The following NOS1 variants were observed in gnomAD, a reference collection of about 807,000 sequenced individuals.
NOS1 encodes NOS type I.
A neutral mutation model predicts 164.5 loss-of-function variants in NOS1; 51 were observed. That is an observed-to-expected ratio of 0.31 (90% CI 0.25 to 0.39). The LOEUF (loss-of-function observed/expected upper bound fraction) is 0.39, where lower values mean the gene tolerates loss of function less well. NOS1 is among the 10% of genes least tolerant of loss of function. The probability of loss-of-function intolerance (pLI) is 1.00; values close to 1 mark genes in which losing one functional copy is unlikely to be tolerated. For missense variants in NOS1, 1,362 were observed against 1,885.6 expected (o/e 0.72, Z 5.14); for synonymous variants, 719 against 745.8 (o/e 0.96, Z 0.59).
rs1031458060 is a variant in NOS1, at chr12:117,330,464, G to T, written c.606C>A (p.Asn202Lys). Reference protein sequence around the residue: ...TRVSLQGRGENNELLKEIEPV... With the variant: ...TRVSLQGRGEKNELLKEIEPV... Reference sequence around the variant, plus strand: ...GCTCTATCTCCTTGAGCAGTTCATTGTTCTCCCCTCTGCCTTGGAGGCTGA... The same window carrying T: ...GCTCTATCTCCTTGAGCAGTTCATTTTTCTCCCCTCTGCCTTGGAGGCTGA... The change falls in exon 2 of 29, where the codon AAC (asparagine) becomes AAA (lysine). Residue 202 changes from asparagine (N) to lysine (K), a missense_variant. By Grantham distance (94) the Asn-to-Lys change is moderately conservative. Transcript: ENST00000317775. This position sits in a 1 kb window ranked among gnomAD's most constrained non-coding sequence, Gnocchi z 4.6. 3.1e-6 allele frequency: 5 copies of T among 1,614,208 alleles called. No homozygotes were observed. The highest frequency in any genetic ancestry group is 3.4e-6 in the Non-Finnish European group (4 of 1,180,034).
chr12:117,288,251 G>T (rs1592991922), intron 4 of NOS1, 32 bp from the exon 5 acceptor site: 1 of 1,596,630 alleles, frequency 6.3e-7, no homozygotes. Context: ...GGTATTGCTT[G>T]GTTTTACCCA....
At chr12:117,215,438 CTTTTTTT>C (rs149003143) in intron 28 of NOS1, 114 bp from the exon 29 acceptor site, 1 of 1,007,654 alleles carries the variant, frequency 9.9e-7, no homozygotes, top group Non-Finnish European at 1.3e-6. Context: ...TTGTCTCTTT[CTTTTTTT>C]TTTTTTTTTG....
intron 2 of NOS1, among the ~76,000 whole-genome samples, chr12:117,315,658 T>C (rs1874636933): frequency 6.6e-6 from 1 of 152,154 alleles, no homozygotes; most frequent in South Asian, 2.1e-4. Context: ...TTTGCTGGGG[T>C]TGCAGGAGCA....
intron 20 of NOS1, among the ~76,000 whole-genome samples, chr12:117,236,808 A>C (rs1156933827): frequency 1.3e-5 from 2 of 152,232 alleles, no homozygotes; most frequent in Non-Finnish European, 2.9e-5. Flanking sequence ...AAACTTGCTG[A>C]GCTAGCTCAC....
chr12:117,229,076 C>T (rs530482791), intron 22 of NOS1, among the ~76,000 whole-genome samples: 4 of 152,308 alleles, frequency 2.6e-5, no homozygotes, highest in South Asian at 2.1e-4. Flanking sequence ...CCACTGCGAC[C>T]GGCCTGTTCT....
At position 117,243,824 on chromosome 12, in the gene NOS1, T is replaced by C. The variant is rs1276697923; in HGVS notation, c.2824-389A>G. Among the ~76,000 whole-genome samples, 4 of 132,864 alleles carry C rather than the reference T, an allele frequency of 3.0e-5. No individual in the cohort carries two copies. The highest frequency in any genetic ancestry group is 1.5e-4 in the Admixed American group (2 of 13,338). The allele number at this position is 132,864 out of a possible 152,430, so 87.2% of individuals were successfully genotyped here. A position where few individuals can be genotyped will look rare whatever the true frequency, so the allele number is the denominator to read the frequency against. Reference sequence around the variant, plus strand: ...TCCTTCCCTCCATCTACCCACCCACTCATCCATCTTTCCATGCATCCATCC... The same window carrying C: ...TCCTTCCCTCCATCTACCCACCCACCCATCCATCTTTCCATGCATCCATCC... On this transcript the variant is annotated intron_variant, in intron 18 of 28. Coordinates refer to ENST00000317775, the MANE Select transcript of NOS1 (RefSeq NM_000620.5). This position sits in a 1 kb window ranked among gnomAD's most constrained non-coding sequence, Gnocchi z 4.3.
chr12:117,274,576 C>T (rs1054389374), intron 9 of NOS1, among the ~76,000 whole-genome samples: 6 of 152,022 alleles, frequency 3.9e-5, no homozygotes, highest in African/African-American at 1.4e-4. Context: ...CAAGACCAGC[C>T]TGACCAACAT....
intron 24 of NOS1, among the ~76,000 whole-genome samples, chr12:117,226,059 T>G (rs1447779981): frequency 5.9e-5 from 9 of 152,192 alleles, no homozygotes; most frequent in Non-Finnish European, 8.8e-5. Context: ...GGCTCAGGAC[T>G]CTATGTTTGA....
chr12:117,279,688 T>G (rs1873472564), intron 8 of NOS1, among the ~76,000 whole-genome samples: 1 of 151,892 alleles, frequency 6.6e-6, no homozygotes. Flanking sequence ...GAGGAAGAGG[T>G]TGGGGCATTT....
chr12:117,345,313 G>A (rs889114313), intron 1 of NOS1, among the ~76,000 whole-genome samples: 2 of 152,200 alleles, frequency 1.3e-5, no homozygotes, highest in African/African-American at 2.4e-5. Context: ...GTGAGCCACC[G>A]CGCCCGGCTG....
At chr12:117,260,630 A>G in intron 13 of NOS1, 21 bp from the exon 14 acceptor site, 1 of 1,602,642 alleles carries the variant, frequency 6.2e-7, no homozygotes, top group Non-Finnish European at 8.5e-7. Context: ...GAGGATGGAG[A>G]TGAAAAATGG....
intron 3 of NOS1, among the ~76,000 whole-genome samples, chr12:117,301,440 A>C (rs564523070): frequency 6.6e-6 from 1 of 152,264 alleles, no homozygotes; most frequent in South Asian, 2.1e-4. Flanking sequence ...TTTCATTTTG[A>C]GTAACATTCA....
chr12:117,337,043 G>A (rs1345889320), intron 1 of NOS1, among the ~76,000 whole-genome samples: 1 of 150,064 alleles, frequency 6.7e-6, no homozygotes, highest in South Asian at 2.1e-4. Flanking sequence ...CAATCCTCCT[G>A]CCTCAGCCTC....
intron 5 of NOS1, among the ~76,000 whole-genome samples, chr12:117,287,736 G>A (rs554898375): frequency 1.3e-5 from 2 of 152,316 alleles, no homozygotes; most frequent in East Asian, 3.9e-4. Flanking sequence ...ACTGCACCTG[G>A]TCTCTTGTTA....
intron 2 of NOS1, among the ~76,000 whole-genome samples, chr12:117,327,521 G>A (rs1875315408): frequency 6.6e-6 from 1 of 152,186 alleles, no homozygotes; most frequent in Non-Finnish European, 1.5e-5. Context: ...TGAGGCCCGG[G>A]TTCCAGCCTG....
intron 3 of NOS1, among the ~76,000 whole-genome samples, chr12:117,295,761 A>G (rs905073017): frequency 2.0e-4 from 31 of 151,224 alleles, no homozygotes; most frequent in Admixed American, 1.1e-3. Context: ...CTGGGATTAC[A>G]GGCATGCACC....
chr12:117,341,675 C>T (rs912648289), intron 1 of NOS1, among the ~76,000 whole-genome samples: 11 of 152,112 alleles, frequency 7.2e-5, no homozygotes, highest in African/African-American at 2.7e-4. Flanking sequence ...CCCTACATAC[C>T]TGCCCCATTG....
Position 117,313,968 on chromosome 12 carries a change from G to C in NOS1, c.726-2376C>G, listed in dbSNP as rs558018281. Among the ~76,000 whole-genome samples, 58 of 152,224 alleles carry C rather than the reference G, an allele frequency of 3.8e-4. 1 individual carries two copies. The highest frequency in any genetic ancestry group is 1.3e-3 in the African/African-American group (56 of 41,526). On this transcript the variant is annotated intron_variant, in intron 2 of 28. Coordinates refer to ENST00000317775, the MANE Select transcript of NOS1 (RefSeq NM_000620.5). Reference sequence around the variant, plus strand: ...CCCTCTGTTCTATGGTCCTAGCTTAGGGGACTCCCCCATCCCCCAATCTGG... The same window carrying C: ...CCCTCTGTTCTATGGTCCTAGCTTACGGGACTCCCCCATCCCCCAATCTGG...
intron 17 of NOS1, among the ~76,000 whole-genome samples, chr12:117,249,121 C>G (rs2682825): frequency 0.55 from 83,347 of 151,926 alleles, 25,299 homozygotes; most frequent in African/African-American, 0.81. Flanking sequence ...AGTTGTCTGT[C>G]AGTTCTAGAA....
Sources: gnomAD v4.1 joint callset for allele counts (sites outside exome capture counted in the v4.1 genomes callset) on GRCh38, gnomAD v4.1.1 for gene constraint, Gnocchi (gnomAD v3.1) non-coding constraint, MANE v1.5 for transcripts, NCBI Gene and HGNC (gene_info 2026-07-23, HGNC 2026-07-21) for gene names.